Variants in MMP21 observed in about 807,000 individuals in gnomAD.
The protein encoded by MMP21 is matrix metallopeptidase 21.
A neutral mutation model predicts 47.8 loss-of-function variants in MMP21; 40 were observed. The observed-to-expected ratio is 0.84, with a 90% CI of 0.65 to 1.09. MMP21 has a LOEUF of 1.09. MMP21 is among the 50% of genes least tolerant of loss of function. MMP21 has a pLI of 0.00. For synonymous variants in MMP21, 341 were observed against 318.0 expected (o/e 1.07, Z -0.77); for missense variants, 747 against 775.3 (o/e 0.96, Z 0.43).
chr10:125,774,447 C>G, intron 1 of MMP21, 82 bp from the exon 2 acceptor site: 1 of 986,916 alleles, frequency 1.0e-6, no homozygotes, highest in Non-Finnish European at 1.3e-6. Flanking sequence ...TCTAGAGAGA[C>G]AGAGACATGG....
chr10:125,775,110 C>T (rs1011185699), intron 1 of MMP21, among the ~76,000 whole-genome samples: 5 of 152,192 alleles, frequency 3.3e-5, no homozygotes, highest in African/African-American at 1.2e-4. Context: ...CGTGCCAGAG[C>T]AGGTGAAGGG....
rs1850492230 is a variant in MMP21 at position 125,774,343 on chromosome 10, C to CT, written c.184_185insA (p.Trp62Ter). The CT allele has an allele frequency of 1.4e-6, 2 of 1,395,384 alleles. No homozygotes were observed. Among genetic ancestry groups the CT allele is most frequent in the Non-Finnish European group, 1.9e-6 (2 of 1,080,792 alleles). 86.4% of individuals were successfully genotyped at this position (1,395,384 alleles called of 1,614,324 possible). Residue 62 changes from tryptophan (W) to a stop codon, truncating the protein, a stop_gained and frameshift_variant, in exon 2 of 7, where the codon TGG (tryptophan) becomes TAGG (stop). Transcript: ENST00000368808. LOFTEE classifies it high-confidence loss of function. The stretch of plus-strand genomic sequence containing the variant: ...CCCCCAGGCCGCCCACACCCCTGAC[C>CT]AGCCGTATCTGGACAGGAACCGCTG... The part of the protein sequence containing the change: ...AAQRFLSRYG[W>*]SGVWAAWGPS...
In MMP21 at chr10:125,773,780, G is replaced by A. The variant is rs764658680; in HGVS notation, c.697+51C>T. On this transcript the variant is annotated intron_variant, in intron 2 of 6. Transcript: ENST00000368808. This position sits in a 1 kb window ranked among gnomAD's most constrained non-coding sequence, Gnocchi z 4.8. ...GGCCGAGGTGGGGGTAGGTGCGCCG[G>A]GGTCCCCGAGGGGCTGGGTCGGGCA... 6.9e-7 allele frequency: 1 copy of A among 1,451,988 alleles called. No homozygotes were observed. The highest frequency in any genetic ancestry group is 2.4e-5 in the Admixed American group (1 of 41,160). The allele number at this position is 1,451,988 out of a possible 1,614,324, so 89.9% of individuals were successfully genotyped here. A position where few individuals can be genotyped will look rare whatever the true frequency, so the allele number is the denominator to read the frequency against.
At position 125,772,216 on chromosome 10, in the gene MMP21, A is replaced by T; in HGVS notation, c.979+2T>A. ...CAGGGATGCCCTCCGCAGCAGTCTT[A>T]CCATACAGCTTTTGAATTGCTTTCC... On this transcript the variant is annotated splice_donor_variant, in intron 4 of 6. Transcript: ENST00000368808. LOFTEE classifies it high-confidence loss of function. This position sits in a 1 kb window ranked among gnomAD's most constrained non-coding sequence, Gnocchi z 5.6. The T allele has an allele frequency of 6.2e-7, 1 of 1,614,134 alleles. No homozygotes were observed. The highest frequency in any genetic ancestry group is 8.5e-7 in the Non-Finnish European group (1 of 1,180,004).
intron 1 of MMP21, 38 bp downstream of exon 1, chr10:125,775,622 G>A (rs778957462): frequency 1.3e-6 from 2 of 1,570,860 alleles, no homozygotes; most frequent in Non-Finnish European, 1.7e-6. Flanking sequence ...CACGTGCACG[G>A]GCCTGGGGGT....
chr10:125,774,278 C>T lies in MMP21; in HGVS notation c.250G>A (p.Ala84Thr). ...AACCTGCGCACCGCCTCGGCCAGGG[C>T]GGCGCCCTTGGGGGTCTCCGGCGGC... ...EGPPETPKGA[A>T]LAEAVRRFQR... Residue 84 changes from alanine to threonine, a missense_variant, in exon 2 of 7, where the codon GCC (alanine) becomes ACC (threonine). Ala to Thr is a moderately conservative substitution (Grantham distance 58). Coordinates refer to ENST00000368808, the MANE Select transcript of MMP21 (RefSeq NM_147191.1). 6 of 1,418,194 alleles carry T rather than the reference C, an allele frequency of 4.2e-6. No homozygotes were observed. Among genetic ancestry groups the T allele is most frequent in the Admixed American group, 3.2e-5 (1 of 31,586 alleles). The allele number at this position is 1,418,194 out of a possible 1,614,324, so 87.9% of individuals were successfully genotyped here.
At chr10:125,767,070 C>T in intron 6 of MMP21, 109 bp from the exon 7 acceptor site, 1 of 851,684 alleles carries the variant, frequency 1.2e-6, no homozygotes, top group Non-Finnish European at 1.8e-6. Context: ...ATTCTTTAGA[C>T]TTGAACTTCT....
chr10:125,766,618 A>G lies in MMP21; in HGVS notation c.*44T>C, dbSNP rs1564761579. 1 of 1,485,276 alleles carries G rather than the reference A, an allele frequency of 6.7e-7. No homozygotes were observed. The highest frequency in any genetic ancestry group is 1.4e-5 in the African/African-American group (1 of 71,130). The allele number at this position is 1,485,276 out of a possible 1,614,324, so 92.0% of individuals were successfully genotyped here. A position where few individuals can be genotyped will look rare whatever the true frequency, so the allele number is the denominator to read the frequency against. On this transcript the variant is annotated 3_prime_UTR_variant, in exon 7 of 7. Coordinates refer to ENST00000368808, the MANE Select transcript of MMP21 (RefSeq NM_147191.1). ...GGTTTTCTTTGTAAACAGTATCAGA[A>G]TTTTAGCGAAGTCCTATGACCCTCC...
intron 6 of MMP21, among the ~76,000 whole-genome samples, chr10:125,767,224 T>C (rs983790656): frequency 2.0e-5 from 3 of 152,004 alleles, no homozygotes; most frequent in African/African-American, 4.8e-5. Context: ...AGCCTCAACC[T>C]CCCAGGCTCA....
At chr10:125,775,574 GGCCTGTGCCTGTGCGCGCGTGC>G (rs894254627) in intron 1 of MMP21, 64 bp downstream of exon 1, 3 of 1,465,884 alleles carry the variant, frequency 2.0e-6, no homozygotes, top group African/African-American at 2.9e-5. Context: ...CCGGCATCCT[GGCCTGTGCCTGTGCGCGCGTGC>G]GCATGTGCCT....
At position 125,766,911 on chromosome 10, in the gene MMP21, C is replaced by T. The variant is rs550532850; in HGVS notation, c.1461G>A (p.Lys487=). 6.2e-7 allele frequency: 1 copy of T among 1,611,630 alleles called. No individual in the cohort carries two copies. Among genetic ancestry groups the T allele is most frequent in the East Asian group, 2.2e-5 (1 of 44,822 alleles). The change falls in exon 7 of 7, where the codon AAG becomes AAA. Residue 487 remains lysine (K), a synonymous_variant. Coordinates refer to ENST00000368808, the MANE Select transcript of MMP21 (RefSeq NM_147191.1). The part of the protein sequence containing the change: ...NRNRVLNSYP[K]RITEVFPAVI... Reference sequence around the variant, plus strand: ...CTGCTGGAAAAACTTCAGTAATCCTCTTTGGATAAGAATTAAGTACTCGAT... The same window carrying T: ...CTGCTGGAAAAACTTCAGTAATCCTTTTTGGATAAGAATTAAGTACTCGAT...
intron 1 of MMP21, among the ~76,000 whole-genome samples, chr10:125,774,767 TTGCGGGGCAGGTCGCGCAGGGCAGGTCG>T (rs1169609210): frequency 6.6e-6 from 1 of 152,120 alleles, no homozygotes; most frequent in African/African-American, 2.4e-5. Context: ...CCCCCCGGCC[TTGCGGGGCAGGTCGCGCAGGGCAGGTCG>T]TGCGGGGCAG....
intron 6 of MMP21, 141 bp downstream of exon 6, chr10:125,767,391 C>G (rs891825082): frequency 2.6e-6 from 2 of 765,730 alleles, no homozygotes; most frequent in South Asian, 1.9e-5. Context: ...ATCCGCCCAC[C>G]TTGGCCTCCC....
rs202135492 is a variant in MMP21 at position 125,770,636 on chromosome 10, G to A, written c.980-45C>T. ...AACAGCCACTTGTCACATACATGGT[G>A]CAAAACTTATATTTTCATATGTGAC... On this transcript the variant is annotated intron_variant, in intron 4 of 6. Coordinates refer to ENST00000368808, the MANE Select transcript of MMP21 (RefSeq NM_147191.1). 136 of 1,595,906 alleles carry A rather than the reference G, an allele frequency of 8.5e-5. No individual in the cohort carries two copies. In the East Asian group the frequency reaches 2.1e-3, roughly 24 times the overall value.
chr10:125,774,091 G>T lies in MMP21; in HGVS notation c.437C>A (p.Pro146Gln), dbSNP rs1229887097. 5.1e-6 allele frequency: 7 copies of T among 1,367,230 alleles called. No individual in the cohort carries two copies. In the Admixed American group the frequency reaches 1.5e-4, roughly 28 times the overall value. The allele number at this position is 1,367,230 out of a possible 1,614,324, so 84.7% of individuals were successfully genotyped here. A position where few individuals can be genotyped will look rare whatever the true frequency, so the allele number is the denominator to read the frequency against. Reference protein sequence around the residue: ...PPPRARSRRSPRAPLSLSRRG... With the variant: ...PPPRARSRRSQRAPLSLSRRG... ...CCGGGACAAGGACAGCGGCGCCCGC[G>T]GGGAGCGCCTGGAGCGGGCTCTGGG... is the stretch of plus-strand genomic sequence containing the variant. The change falls in exon 2 of 7, where the codon CCG becomes CAG. Residue 146 changes from proline (P) to glutamine (Q), a missense_variant. Transcript: ENST00000368808.
chr10:125,767,619 T>A lies in MMP21; in HGVS notation c.1323A>T (p.Ser441=). ...GACTTGGGATGCCAGGAAATCCTTC[T>A]GAAATCAATTTGGGATAGCTTTTTC... is the stretch of plus-strand genomic sequence containing the variant. ...EQGKSYPKLI[S]EGFPGIPSPL... is the part of the protein sequence containing the mutation. Residue 441 remains serine, a synonymous_variant, in exon 6 of 7, where the codon TCA becomes TCT. Coordinates refer to ENST00000368808, the MANE Select transcript of MMP21 (RefSeq NM_147191.1). 6.2e-7 allele frequency: 1 copy of A among 1,614,224 alleles called. No individual in the cohort carries two copies. Among genetic ancestry groups the A allele is most frequent in the Non-Finnish European group, 8.5e-7 (1 of 1,180,030 alleles).
Position 125,766,684 on chromosome 10 carries a change from T to C in MMP21, c.1688A>G (p.His563Arg), listed in dbSNP as rs189081094. 8 of 1,611,710 alleles carry C rather than the reference T, an allele frequency of 5.0e-6. No homozygotes were observed. In the South Asian group the frequency reaches 5.5e-5, roughly 11 times the overall value. Reference protein sequence around the residue: ...SEKWFDVCDVHISTLNM With the variant: ...SEKWFDVCDVRISTLNM ...TTATTACATGTTCAGTGTGGAGATA[T>C]GGACGTCACAAACATCAAACCACTT... The change falls in exon 7 of 7, where the codon CAT becomes CGT. Residue 563 changes from histidine to arginine, a missense_variant. His to Arg is a conservative substitution (Grantham distance 29). Coordinates refer to ENST00000368808, the MANE Select transcript of MMP21 (RefSeq NM_147191.1).
In MMP21 at chr10:125,772,907, G is replaced by A. The variant is rs17153540; in HGVS notation, c.698-157C>T. 3.4e-3 allele frequency among the ~76,000 whole-genome samples: 512 copies of A among 152,276 alleles called. No homozygotes were observed. Among genetic ancestry groups the A allele is most frequent in the Non-Finnish European group, 5.6e-3 (379 of 68,004 alleles). On this transcript the variant is annotated intron_variant, in intron 2 of 6. Coordinates refer to ENST00000368808, the MANE Select transcript of MMP21 (RefSeq NM_147191.1). This position sits in a 1 kb window ranked among gnomAD's most constrained non-coding sequence, Gnocchi z 5.6. The stretch of plus-strand genomic sequence containing the variant: ...CCTCAATGTGCGGAGGGTGGGAGAC[G>A]GTTTGTTTGTAAACTGTGTTTACAG...
Position 125,770,453 on chromosome 10 carries a change from C to T in MMP21, c.1118G>A (p.Arg373Lys), listed in dbSNP as rs764834246. The T allele has an allele frequency of 6.2e-7, 1 of 1,614,172 alleles. No homozygotes were observed. ...TTGGATAGGGTCCCCATAGCGTGTC[C>T]TATTGTTTCGATTTTCATAAAGCCA... is the stretch of plus-strand genomic sequence containing the variant. ...WYWLYENRNN[R>K]TRYGDPIQIL... The change falls in exon 5 of 7, where the codon AGG becomes AAG. Residue 373 changes from arginine (R) to lysine (K), a missense_variant. Transcript: ENST00000368808.
Sources: gnomAD v4.1 joint callset for allele counts (sites outside exome capture counted in the v4.1 genomes callset) on GRCh38, gnomAD v4.1.1 for gene constraint, Gnocchi (gnomAD v3.1) non-coding constraint, MANE v1.5 for transcripts, NCBI Gene and HGNC (gene_info 2026-07-23, HGNC 2026-07-21) for gene names.